The following KCNB2 variants were observed in gnomAD, a reference collection of about 807,000 sequenced individuals.
KCNB2 encodes delayed rectifier potassium channel protein.
In KCNB2, 15 loss-of-function variants were observed where a neutral mutation model predicts 61.5. The observed-to-expected ratio is 0.24, with a 90% CI of 0.16 to 0.38. KCNB2 has a LOEUF of 0.38. Ranked by LOEUF, KCNB2 falls within the 10% of genes least tolerant of loss-of-function variation. KCNB2 has a pLI of 1.00. For missense variants in KCNB2, 828 were observed against 1,125.2 expected (o/e 0.74, Z 3.78); for synonymous variants, 457 against 446.0 (o/e 1.02, Z -0.31).
At chr8:72,606,875 G>A (rs780270824) in intron 2 of KCNB2, among the ~76,000 whole-genome samples, 11 of 152,148 alleles carry the variant, frequency 7.2e-5, no homozygotes, top group Non-Finnish European at 1.3e-4. Flanking sequence ...CTAAGACGTC[G>A]CTGGGGAATG....
In KCNB2 at chr8:72,839,912, C is replaced by CT. The variant is rs936885562; in HGVS notation, c.580-96010dup. The stretch of plus-strand genomic sequence containing the variant: ...ACAGGCGTGAGCCACCGTGCCCAGC[C>CT]TTTTTTTTTTTTTAATACTTTAAGT... On this transcript the variant is annotated intron_variant, in intron 2 of 2. Transcript: ENST00000523207. 5.4e-3 allele frequency among the ~76,000 whole-genome samples: 784 copies of CT among 145,784 alleles called. 7 individuals are homozygous for CT. Among genetic ancestry groups the CT allele is most frequent in the African/African-American group, 0.016 (633 of 40,136 alleles).
At chr8:72,581,247 T>G (rs1369374693) in intron 2 of KCNB2, among the ~76,000 whole-genome samples, 2 of 152,136 alleles carry the variant, frequency 1.3e-5, no homozygotes, top group Non-Finnish European at 2.9e-5. Flanking sequence ...CACCACTACT[T>G]CCTTCTCTGT....
At chr8:72,851,280 C>T (rs1277483864) in intron 2 of KCNB2, among the ~76,000 whole-genome samples, 1 of 152,270 alleles carries the variant, frequency 6.6e-6, no homozygotes, top group Admixed American at 6.5e-5. Flanking sequence ...GGCCTGGGAA[C>T]AACTGGGTGA....
chr8:72,869,976 A>G (rs1318832522), intron 2 of KCNB2, among the ~76,000 whole-genome samples: 1 of 152,230 alleles, frequency 6.6e-6, no homozygotes, highest in Admixed American at 6.5e-5. Context: ...TAAAGAAAAC[A>G]TGCTATATAC....
chr8:72,567,094 G>A (rs1469022969), intron 1 of KCNB2, among the ~76,000 whole-genome samples: 2 of 152,112 alleles, frequency 1.3e-5, no homozygotes, highest in African/African-American at 4.8e-5. Context: ...GCTGAGGCAG[G>A]TGGATTGCTT....
chr8:72,623,756 A>G (rs1805746983), intron 2 of KCNB2, among the ~76,000 whole-genome samples: 1 of 152,228 alleles, frequency 6.6e-6, no homozygotes, highest in Admixed American at 6.5e-5. Context: ...CATGACAACC[A>G]CTACAGGTAG....
intron 2 of KCNB2, among the ~76,000 whole-genome samples, chr8:72,898,087 C>G (rs1806021428): frequency 6.6e-6 from 1 of 152,138 alleles, no homozygotes. Flanking sequence ...ACTTCAAAGT[C>G]TGTTTTTTAA....
At chr8:72,701,851 A>G (rs1167508433) in intron 2 of KCNB2, among the ~76,000 whole-genome samples, 1 of 152,114 alleles carries the variant, frequency 6.6e-6, no homozygotes, top group Non-Finnish European at 1.5e-5. Flanking sequence ...ACATATCATT[A>G]TTTATTAAGT....
intron 2 of KCNB2, among the ~76,000 whole-genome samples, chr8:72,656,557 T>C (rs751152845): frequency 1.3e-5 from 2 of 152,166 alleles, no homozygotes; most frequent in Non-Finnish European, 2.9e-5. Flanking sequence ...TCTCTCAATA[T>C]CTGGATAAAC....
chr8:72,649,234 T>G (rs1419747065), intron 2 of KCNB2, among the ~76,000 whole-genome samples: 1 of 152,182 alleles, frequency 6.6e-6, no homozygotes, highest in African/African-American at 2.4e-5. Flanking sequence ...GATATTGGTT[T>G]CTGCTTTCAA....
chr8:72,744,333 A>G (rs1007941080), intron 2 of KCNB2, among the ~76,000 whole-genome samples: 3 of 152,144 alleles, frequency 2.0e-5, no homozygotes, highest in Non-Finnish European at 4.4e-5. Context: ...CATACCACCT[A>G]CCACAGTGAG....
intron 2 of KCNB2, among the ~76,000 whole-genome samples, chr8:72,755,839 A>G (rs1808280527): frequency 6.6e-6 from 1 of 152,186 alleles, no homozygotes. Context: ...CCCCCACCGC[A>G]CCCAACTCCC....
intron 2 of KCNB2, among the ~76,000 whole-genome samples, chr8:72,889,065 C>T (rs1245769382): frequency 6.6e-6 from 1 of 152,132 alleles, no homozygotes; most frequent in African/African-American, 2.4e-5. Flanking sequence ...GTAGAGAGCA[C>T]ACTCTCTGAA....
chr8:72,911,030 G>A (rs879580305), intron 2 of KCNB2, among the ~76,000 whole-genome samples: 3 of 151,924 alleles, frequency 2.0e-5, no homozygotes, highest in Admixed American at 6.6e-5. Flanking sequence ...CAAGTATAAT[G>A]TGTTTATTCT....
At chr8:72,713,922 G>C (rs1807372561) in intron 2 of KCNB2, among the ~76,000 whole-genome samples, 1 of 152,122 alleles carries the variant, frequency 6.6e-6, no homozygotes. Context: ...AAAAAAATTA[G>C]ATGAATGAAT....
chr8:72,619,247 C>T (rs77209420), intron 2 of KCNB2: 111,514 of 603,450 alleles, frequency 0.18, 11,972 homozygotes, highest in South Asian at 0.23. Context: ...GTTTCAAGGG[C>T]GATGTGCTGT....
At chr8:72,759,350 A>G (rs978410100) in intron 2 of KCNB2, among the ~76,000 whole-genome samples, 2 of 152,228 alleles carry the variant, frequency 1.3e-5, no homozygotes, top group African/African-American at 4.8e-5. Context: ...AAATATCTTA[A>G]TGGGAATTTA....
At chr8:72,809,031 C>G (rs1349528902) in intron 2 of KCNB2, among the ~76,000 whole-genome samples, 2 of 152,094 alleles carry the variant, frequency 1.3e-5, no homozygotes, top group Admixed American at 6.6e-5. Flanking sequence ...GCCATTTTAG[C>G]CTGGTGCCTG....
At chr8:72,614,175 C>T (rs1332669734) in intron 2 of KCNB2, among the ~76,000 whole-genome samples, 1 of 152,192 alleles carries the variant, frequency 6.6e-6, no homozygotes, top group Non-Finnish European at 1.5e-5. Context: ...AACCTCTTCT[C>T]CCAGTGCTGT....
Sources: gnomAD v4.1 joint callset for allele counts (sites outside exome capture counted in the v4.1 genomes callset) on GRCh38, gnomAD v4.1.1 for gene constraint, MANE v1.5 for transcripts, NCBI Gene and HGNC (gene_info 2026-07-23, HGNC 2026-07-21) for gene names.